The following BACE2 variants were observed in gnomAD, a reference collection of about 807,000 sequenced individuals.
BACE2 encodes the protein 56 kDa aspartic-like protease.
In BACE2, 17 loss-of-function variants were observed where a neutral mutation model predicts 46.2. The ratio of observed to expected loss-of-function variants is 0.37; its 90% confidence interval spans 0.25 to 0.55. The LOEUF is 0.55. BACE2 is among the 20% of genes least tolerant of loss of function. BACE2 has a pLI of 0.82. For missense variants in BACE2, 595 were observed against 698.1 expected (o/e 0.85, Z 1.66); for synonymous variants, 277 against 295.9 (o/e 0.94, Z 0.66).
chr21:41,229,632 C>T (rs910350399), intron 2 of BACE2, among the ~76,000 whole-genome samples: 15 of 148,468 alleles, frequency 1.0e-4, no homozygotes, highest in African/African-American at 2.4e-4. Context: ...TTTCATCAAC[C>T]GTAGACAACC....
intron 3 of BACE2, among the ~76,000 whole-genome samples, chr21:41,238,349 C>G (rs925830145): frequency 1.2e-4 from 19 of 152,134 alleles, no homozygotes; most frequent in African/African-American, 4.6e-4. Context: ...TGGATGTTCA[C>G]CAAATATTTG....
At chr21:41,230,798 G>A (rs1269785974) in intron 2 of BACE2, among the ~76,000 whole-genome samples, 2 of 152,106 alleles carry the variant, frequency 1.3e-5, no homozygotes, top group Admixed American at 1.3e-4. Flanking sequence ...TCATGGTGGT[G>A]AATGTTCCAA....
intron 1 of BACE2, chr21:41,185,373 G>A (rs1322812573): frequency 6.6e-6 from 1 of 152,206 alleles, no homozygotes; most frequent in African/African-American, 2.4e-5. Flanking sequence ...CTGACTTGCT[G>A]AAGAACCTAC....
At chr21:41,195,697 C>T (rs1277745426) in intron 1 of BACE2, among the ~76,000 whole-genome samples, 3 of 152,164 alleles carry the variant, frequency 2.0e-5, no homozygotes, top group East Asian at 1.9e-4. Flanking sequence ...GACTATAGAC[C>T]GCCAAGCCTA....
At chr21:41,254,836 T>G (rs533038390) in intron 7 of BACE2, among the ~76,000 whole-genome samples, 1 of 152,372 alleles carries the variant, frequency 6.6e-6, no homozygotes, top group Admixed American at 6.5e-5. Flanking sequence ...TACTTCTTCC[T>G]CTTTTCACTG....
intron 1 of BACE2, among the ~76,000 whole-genome samples, chr21:41,222,552 T>A (rs1261807298): frequency 6.6e-6 from 1 of 152,212 alleles, no homozygotes; most frequent in East Asian, 1.9e-4. Context: ...GGAGGAGTGA[T>A]GTCAGGGCAT....
At chr21:41,178,975 G>A (rs532447679) in intron 1 of BACE2, 266 of 709,548 alleles carry the variant, frequency 3.7e-4, no homozygotes, top group Non-Finnish European at 5.1e-4. Flanking sequence ...CTGAGGAGGT[G>A]CAATTTGAGA....
intron 8 of BACE2, among the ~76,000 whole-genome samples, chr21:41,264,789 C>G (rs1220774593): frequency 6.6e-6 from 1 of 152,078 alleles, no homozygotes. Flanking sequence ...CAGTGCCAAA[C>G]CATATCAACA....
At position 41,265,969 on chromosome 21, in the gene BACE2, C is replaced by T. The variant is rs960674945; in HGVS notation, c.1303+8643C>T. On this transcript the variant is annotated intron_variant, in intron 8 of 8. Transcript: ENST00000330333. Reference sequence around the variant, plus strand: ...CTTCTTTCCTCTAGGATAACTACCCCCATTGTTATAACATTTATCAAATAA... The same window carrying T: ...CTTCTTTCCTCTAGGATAACTACCCTCATTGTTATAACATTTATCAAATAA... Among the ~76,000 whole-genome samples the T allele has an allele frequency of 1.2e-4, 18 of 152,254 alleles. 1 individual carries two copies. The East Asian group carries it at 3.5e-3, about 29-fold the overall frequency.
In BACE2 at chr21:41,192,096, G is replaced by A. The variant is rs181513052; in HGVS notation, c.312+23521G>A. Among the ~76,000 whole-genome samples the A allele has an allele frequency of 3.4e-3, 511 of 152,330 alleles. 1 individual carries two copies. Among genetic ancestry groups the A allele is most frequent in the Non-Finnish European group, 5.8e-3 (393 of 68,026 alleles). ...CACTGCTCGAAGTTCTGCCCACTGG[G>A]AAGATTTCCCTTCACTGCTGTCCTT... On this transcript the variant is annotated intron_variant, in intron 1 of 8. Transcript: ENST00000330333.
chr21:41,277,841 T>C lies in BACE2; in HGVS notation c.*2217T>C, dbSNP rs1310261402. On this transcript the variant is annotated 3_prime_UTR_variant, in exon 9 of 9. Transcript: ENST00000330333. ...GTCATGCTCTGTATTTCATATCAGA[T>C]TTCTTTATCTTTTCATATCGCATGT... 1 of 152,246 alleles carries C rather than the reference T, an allele frequency of 6.6e-6. No individual in the cohort carries two copies. The highest frequency in any genetic ancestry group is 1.5e-5 in the Non-Finnish European group (1 of 68,046). 9.4% of individuals were successfully genotyped at this position (152,246 alleles called of 1,614,324 possible). A position where few individuals can be genotyped will look rare whatever the true frequency, so the allele number is the denominator to read the frequency against.
chr21:41,189,194 T>TAA (rs58968308), intron 1 of BACE2, among the ~76,000 whole-genome samples: 30,398 of 145,486 alleles, frequency 0.21, 4,775 homozygotes, highest in African/African-American at 0.45. Flanking sequence ...TCTGGATCTT[T>TAA]AAAAAAAAAA....
chr21:41,214,074 AG>A (rs1254704255), intron 1 of BACE2, among the ~76,000 whole-genome samples: 1 of 152,196 alleles, frequency 6.6e-6, no homozygotes, highest in African/African-American at 2.4e-5. Flanking sequence ...CACCATGAGG[AG>A]CACGTGTCAC....
intron 3 of BACE2, among the ~76,000 whole-genome samples, chr21:41,239,641 G>T (rs1338667015): frequency 1.3e-5 from 2 of 152,198 alleles, no homozygotes; most frequent in African/African-American, 4.8e-5. Context: ...GCCTCTCAAA[G>T]TGTTGGGATT....
Position 41,275,745 on chromosome 21 carries a change from T to C in BACE2, c.*121T>C, listed in dbSNP as rs1294420312. The C allele has an allele frequency of 1.6e-6, 2 of 1,223,238 alleles. No individual in the cohort carries two copies. The highest frequency in any genetic ancestry group is 2.2e-6 in the Non-Finnish European group (2 of 891,568). The allele number at this position is 1,223,238 out of a possible 1,614,324, so 75.8% of individuals were successfully genotyped here. The stretch of plus-strand genomic sequence containing the variant: ...GTGCCCACCCGTCTTCAATCTCTGT[T>C]CTGCTCCCAGATGCCTTCTAGATTC... On this transcript the variant is annotated 3_prime_UTR_variant, in exon 9 of 9. Transcript: ENST00000330333.
chr21:41,205,558 C>T (rs145929319), intron 1 of BACE2, among the ~76,000 whole-genome samples: 1 of 152,326 alleles, frequency 6.6e-6, no homozygotes, highest in East Asian at 1.9e-4. Context: ...CAATTCGCTT[C>T]CCCATTAGAA....
chr21:41,180,644 A>G (rs1224336386), intron 1 of BACE2: 1 of 167,132 alleles, frequency 6.0e-6, no homozygotes, highest in East Asian at 1.9e-4. Context: ...ACAGTTGTCA[A>G]AGGTCCTAGA....
rs781629087 is a variant in BACE2 at position 41,250,822 on chromosome 21, G to C, written c.1055G>C (p.Trp352Ser). 4.3e-6 allele frequency: 7 copies of C among 1,614,128 alleles called. No homozygotes were observed. In the East Asian group the frequency reaches 1.6e-4, roughly 36 times the overall value. ...TGCTGGACGAATTCGGAAACACCTT[G>C]GTCTTACTTCCCTAAAATCTCCATC... Reference protein sequence around the residue: ...LACWTNSETPWSYFPKISIYL... With the variant: ...LACWTNSETPSSYFPKISIYL... Residue 352 changes from tryptophan (W) to serine (S), a missense_variant, in exon 7 of 9, where the codon TGG (tryptophan) becomes TCG (serine). Transcript: ENST00000330333.
At chr21:41,236,799 C>T (rs1390276121) in intron 2 of BACE2, 2 of 152,262 alleles carry the variant, frequency 1.3e-5, no homozygotes, top group African/African-American at 2.4e-5. Flanking sequence ...GCACAGCAGC[C>T]CTGCAAAGCC....
Sources: allele counts gnomAD v4.1 joint callset (sites outside exome capture counted in the v4.1 genomes callset), GRCh38; gene constraint gnomAD v4.1.1; transcripts MANE v1.5; gene names NCBI Gene and HGNC (gene_info 2026-07-23, HGNC 2026-07-21).